The following CCDC40 variants were observed in gnomAD, a reference collection of about 807,000 sequenced individuals.
CCDC40 encodes coiled-coil domain-containing protein 40.
A neutral mutation model predicts 124.5 loss-of-function variants in CCDC40; 104 were observed. That is an observed-to-expected ratio of 0.84 (90% CI 0.71 to 0.98). The LOEUF (loss-of-function observed/expected upper bound fraction) is 0.98. Ranked by LOEUF, CCDC40 falls within the 50% of genes least tolerant of loss-of-function variation. The probability of loss-of-function intolerance (pLI) is 0.00; values close to 1 mark genes in which losing one functional copy is unlikely to be tolerated. For synonymous variants in CCDC40, 580 were observed against 602.9 expected (o/e 0.96, Z 0.56); for missense variants, 1,463 against 1,503.9 (o/e 0.97, Z 0.45).
At position 80,037,176 on chromosome 17, in the gene CCDC40, T is replaced by G. The variant is rs570462915; in HGVS notation, c.29+485T>G. ...CAAGGACAGATCCCCTCTCGCAGGC[T>G]TGGGGGTGACCCGCGATGGGAGGGG... is the stretch of plus-strand genomic sequence containing the variant. On this transcript the variant is annotated intron_variant, in intron 1 of 19. Transcript: ENST00000397545. 8.5e-5 allele frequency among the ~76,000 whole-genome samples: 13 copies of G among 152,220 alleles called. No homozygotes were observed. In the South Asian group the frequency reaches 2.5e-3, roughly 29 times the overall value.
chr17:80,066,102 C>T lies in CCDC40; in HGVS notation c.1562+496C>T, dbSNP rs751094876. ...GGGCAGGGCGTTGGAGACACAGGTGCTGCCTTCATTCCTAAAACCACCCAG... is the reference window on the plus strand; with the variant it reads ...GGGCAGGGCGTTGGAGACACAGGTGTTGCCTTCATTCCTAAAACCACCCAG... On this transcript the variant is annotated intron_variant, in intron 10 of 19. Transcript: ENST00000397545. The surrounding 1 kb of genome is among the most constrained non-coding windows in gnomAD (Gnocchi z 4.4). 11 of 702,860 alleles carry T rather than the reference C, an allele frequency of 1.6e-5. No individual in the cohort carries two copies. The highest frequency in any genetic ancestry group is 1.5e-4 in the South Asian group (10 of 67,604). 43.5% of individuals were successfully genotyped at this position (702,860 alleles called of 1,614,324 possible). A position where few individuals can be genotyped will look rare whatever the true frequency, so the allele number is the denominator to read the frequency against.
intron 12 of CCDC40, among the ~76,000 whole-genome samples, chr17:80,083,504 G>C (rs147596987): frequency 2.4e-4 from 36 of 152,338 alleles, no homozygotes; most frequent in Non-Finnish European, 4.7e-4. Context: ...CCAAGGCCTT[G>C]TGTGGCAGGA....
intron 7 of CCDC40, among the ~76,000 whole-genome samples, chr17:80,056,498 G>A (rs2143640793): frequency 6.6e-6 from 1 of 152,172 alleles, no homozygotes; most frequent in Non-Finnish European, 1.5e-5. Flanking sequence ...ATGGTGGCAT[G>A]TGCCTGGAGT....
Position 80,058,364 on chromosome 17 carries a change from T to C in CCDC40, c.1160-130T>C. The C allele has an allele frequency of 1.3e-6, 1 of 756,584 alleles. No individual in the cohort carries two copies. Among genetic ancestry groups the C allele is most frequent in the South Asian group, 1.6e-5 (1 of 62,718 alleles). The allele number at this position is 756,584 out of a possible 1,614,324, so 46.9% of individuals were successfully genotyped here. A position where few individuals can be genotyped will look rare whatever the true frequency, so the allele number is the denominator to read the frequency against. On this transcript the variant is annotated intron_variant, in intron 7 of 19. Coordinates refer to ENST00000397545, the MANE Select transcript of CCDC40 (RefSeq NM_017950.4). This position sits in a 1 kb window ranked among gnomAD's most constrained non-coding sequence, Gnocchi z 4.2. ...ATAGTTTAAAAGCAGTTTCCCAGTCTTACCCAAAAATGGCAGGAAGGGTGC... is the reference window on the plus strand; with the variant it reads ...ATAGTTTAAAAGCAGTTTCCCAGTCCTACCCAAAAATGGCAGGAAGGGTGC...
intron 3 of CCDC40, among the ~76,000 whole-genome samples, chr17:80,041,308 T>G (rs200229166): frequency 4.0e-5 from 6 of 151,852 alleles, no homozygotes; most frequent in South Asian, 2.1e-4. Flanking sequence ...AGGAGTTCGA[T>G]ACCAGCCTGG....
rs9896556 is a variant in CCDC40 at position 80,080,693 on chromosome 17, C to T, written c.1563-853C>T. Among the ~76,000 whole-genome samples, 639 of 152,248 alleles carry T rather than the reference C, an allele frequency of 4.2e-3. 7 individuals are homozygous for T. The highest frequency in any genetic ancestry group is 0.015 in the African/African-American group (621 of 41,504). The stretch of plus-strand genomic sequence containing the variant: ...CCCCTAGCCCAACGTCTGACCCATG[C>T]GTCACTTTCCTTCTCCCCATAATCA... On this transcript the variant is annotated intron_variant, in intron 10 of 19. Coordinates refer to ENST00000397545, the MANE Select transcript of CCDC40 (RefSeq NM_017950.4).
At chr17:80,056,682 A>G (rs2143641344) in intron 7 of CCDC40, among the ~76,000 whole-genome samples, 1 of 152,252 alleles carries the variant, frequency 6.6e-6, no homozygotes, top group Middle Eastern at 3.4e-3. Flanking sequence ...AGAAGACTAA[A>G]TGCACAAAAA....
chr17:80,066,124 C>A lies in CCDC40; in HGVS notation c.1562+518C>A, dbSNP rs1043073085. The A allele has an allele frequency of 2.8e-6, 2 of 702,938 alleles. No homozygotes were observed. The highest frequency in any genetic ancestry group is 3.0e-5 in the South Asian group (2 of 67,596). 43.5% of individuals were successfully genotyped at this position (702,938 alleles called of 1,614,324 possible). A position where few individuals can be genotyped will look rare whatever the true frequency, so the allele number is the denominator to read the frequency against. ...GTGCTGCCTTCATTCCTAAAACCAC[C>A]CAGGGTGACCAGGTCTCGGGACGCG... On this transcript the variant is annotated intron_variant, in intron 10 of 19. Coordinates refer to ENST00000397545, the MANE Select transcript of CCDC40 (RefSeq NM_017950.4). The surrounding 1 kb of genome is among the most constrained non-coding windows in gnomAD (Gnocchi z 4.4).
At chr17:80,039,756 C>T (rs2037224382) in intron 2 of CCDC40, 56 bp from the exon 3 acceptor site, 2 of 1,587,596 alleles carry the variant, frequency 1.3e-6, no homozygotes, top group African/African-American at 1.3e-5. Context: ...AGAATAAAAC[C>T]TCACAAGGTC....
chr17:80,096,524 C>T (rs2038812750), intron 18 of CCDC40, among the ~76,000 whole-genome samples: 2 of 152,236 alleles, frequency 1.3e-5, no homozygotes, highest in Non-Finnish European at 2.9e-5. Flanking sequence ...CCCCTGACCA[C>T]TCCTTGCTGC....
chr17:80,093,328 T>C (rs2038752510), intron 17 of CCDC40, among the ~76,000 whole-genome samples: 2 of 151,968 alleles, frequency 1.3e-5, no homozygotes, highest in Non-Finnish European at 2.9e-5. Flanking sequence ...ACTACAGGCA[T>C]GTGCCACCAC....
At chr17:80,040,677 TCAA>T in intron 3 of CCDC40, 1 of 56,252 alleles carries the variant, frequency 1.8e-5, no homozygotes, top group Non-Finnish European at 4.0e-5. Flanking sequence ...AGACCTTGTC[TCAA>T]AAAAAAAAAA....
At chr17:80,051,483 G>A (rs3894069) in intron 7 of CCDC40, among the ~76,000 whole-genome samples, 35,047 of 150,350 alleles carry the variant, frequency 0.23, 4,668 homozygotes, top group Middle Eastern at 0.37. Flanking sequence ...CAAAAAATTA[G>A]CCGGGCGTAG....
In CCDC40 at chr17:80,040,124, G is replaced by A. The variant is rs773836863; in HGVS notation, c.406G>A (p.Ala136Thr). The A allele has an allele frequency of 1.9e-6, 3 of 1,614,158 alleles. No homozygotes were observed. Among genetic ancestry groups the A allele is most frequent in the East Asian group, 4.5e-5 (2 of 44,876 alleles). ...EEAYDSVSGE[A>T]GLQGFQQEAT... Reference sequence around the variant, plus strand: ...GGCATACGATAGTGTTAGCGGGGAGGCTGGTCTCCAAGGCTTCCAGCAAGA... The same window carrying A: ...GGCATACGATAGTGTTAGCGGGGAGACTGGTCTCCAAGGCTTCCAGCAAGA... Residue 136 changes from alanine (A) to threonine (T), a missense_variant, in exon 3 of 20, where the codon GCT becomes ACT. Transcript: ENST00000397545.
At chr17:80,084,688 G>T (rs1234115406) in intron 12 of CCDC40, 55 bp from the exon 13 acceptor site, 4 of 1,608,388 alleles carry the variant, frequency 2.5e-6, no homozygotes, top group Non-Finnish European at 3.4e-6. Flanking sequence ...CAGCAAACTC[G>T]TCCCGGGCCT....
At chr17:80,039,461 A>T (rs1293994781) in intron 2 of CCDC40, among the ~76,000 whole-genome samples, 2 of 151,086 alleles carry the variant, frequency 1.3e-5, no homozygotes, top group Non-Finnish European at 2.9e-5. Flanking sequence ...CTCCAGGCTG[A>T]AGTTCAGTGG....
Position 80,082,144 on chromosome 17 carries a change from C to T in CCDC40, c.1989+86C>T, listed in dbSNP as rs545003979. The T allele has an allele frequency of 6.7e-4, 828 of 1,231,806 alleles. 3 individuals are homozygous for T. In the African/African-American group the frequency reaches 7.2e-3, roughly 11 times the overall value. The allele number at this position is 1,231,806 out of a possible 1,614,324, so 76.3% of individuals were successfully genotyped here. A position where few individuals can be genotyped will look rare whatever the true frequency, so the allele number is the denominator to read the frequency against. On this transcript the variant is annotated intron_variant, in intron 12 of 19. Coordinates refer to ENST00000397545, the MANE Select transcript of CCDC40 (RefSeq NM_017950.4). ...CAAGCCGTCCTGGAGGCGGAGAGGG[C>T]GGAGTCAGTGTGAGCAGAGGGCCCT...
intron 1 of CCDC40, among the ~76,000 whole-genome samples, chr17:80,037,199 G>T (rs1598470227): frequency 6.6e-6 from 1 of 152,152 alleles, no homozygotes; most frequent in South Asian, 2.1e-4. Flanking sequence ...GCGATGGGAG[G>T]GGTCCCTGCG....
intron 7 of CCDC40, among the ~76,000 whole-genome samples, chr17:80,055,167 G>A (rs1335635171): frequency 6.6e-6 from 1 of 152,134 alleles, no homozygotes; most frequent in Non-Finnish European, 1.5e-5. Context: ...CTTAAAATCA[G>A]GAATGAGATG....
Sources: gnomAD v4.1 joint callset for allele counts (sites outside exome capture counted in the v4.1 genomes callset) on GRCh38, gnomAD v4.1.1 for gene constraint, Gnocchi (gnomAD v3.1) non-coding constraint, MANE v1.5 for transcripts, NCBI Gene and HGNC (gene_info 2026-07-23, HGNC 2026-07-21) for gene names.